The following TRDN variants were observed in gnomAD, a reference collection of about 807,000 sequenced individuals.
The protein encoded by TRDN is triadin in skeletal muscle.
In TRDN, 161 loss-of-function variants were observed where a neutral mutation model predicts 149.7. The ratio of observed to expected loss-of-function variants is 1.08; its 90% CI spans 0.95 to 1.23. The LOEUF is 1.23. Ranked by LOEUF, TRDN falls within the 50% of genes most tolerant of loss-of-function variation. The pLI, the probability that TRDN is intolerant of heterozygous loss-of-function variation, is 0.00. For missense variants in TRDN, 896 were observed against 823.5 expected, an observed-to-expected ratio of 1.09 and a Z score of -1.08; for synonymous variants, 294 against 250.5, an observed-to-expected ratio of 1.17 and a Z score of -1.64.
At chr6:123,567,614 A>G (rs1782358596) in intron 2 of TRDN, among the ~76,000 whole-genome samples, 2 of 151,806 alleles carry the variant, frequency 1.3e-5, no homozygotes, top group Admixed American at 1.3e-4. Flanking sequence ...GGATGGCTAG[A>G]GGAGGAGCAA....
chr6:123,230,912 C>T (rs1206053304), intron 38 of TRDN, among the ~76,000 whole-genome samples: 1 of 151,904 alleles, frequency 6.6e-6, no homozygotes, highest in African/African-American at 2.4e-5. Context: ...TTTTCTGTGC[C>T]AGGTATGCTA....
At chr6:123,345,966 C>T (rs1260190418) in intron 21 of TRDN, among the ~76,000 whole-genome samples, 3 of 152,000 alleles carry the variant, frequency 2.0e-5, no homozygotes, top group African/African-American at 7.2e-5. Flanking sequence ...ATAAATAAGT[C>T]ATATTTGAAC....
chr6:123,559,160 T>C (rs1781839634), intron 2 of TRDN, among the ~76,000 whole-genome samples: 1 of 152,156 alleles, frequency 6.6e-6, no homozygotes, highest in African/African-American at 2.4e-5. Flanking sequence ...ATGCTTTGGG[T>C]AACTCTCACA....
At position 123,224,137 on chromosome 6, in the gene TRDN, G is replaced by C. The variant is rs368752139; in HGVS notation, c.1976-6C>G. ...TGGTACATCTTCAACATCTTCTAGA[G>C]TACAGAAAAAAGGCACATAGAATCA... On this transcript the variant is annotated splice_polypyrimidine_tract_variant and splice_region_variant and intron_variant, in intron 38 of 40. Coordinates refer to ENST00000334268, the MANE Select transcript of TRDN (RefSeq NM_006073.4). The C allele has an allele frequency of 8.7e-6, 14 of 1,609,746 alleles. No homozygotes were observed. In the Middle Eastern group the frequency reaches 5.0e-4, roughly 57 times the overall value.
intron 38 of TRDN, among the ~76,000 whole-genome samples, chr6:123,225,915 A>C (rs1360089671): frequency 6.6e-6 from 1 of 151,810 alleles, no homozygotes; most frequent in African/African-American, 2.4e-5. Flanking sequence ...ATCTGAAAGA[A>C]GGTCAGTTTT....
At chr6:123,413,123 T>G (rs912981685) in intron 12 of TRDN, among the ~76,000 whole-genome samples, 2 of 152,130 alleles carry the variant, frequency 1.3e-5, no homozygotes, top group Non-Finnish European at 2.9e-5. Context: ...TTTGAAAAGT[T>G]AACACTCTTT....
intron 5 of TRDN, among the ~76,000 whole-genome samples, chr6:123,523,776 C>T (rs1177213035): frequency 6.6e-6 from 1 of 152,026 alleles, no homozygotes; most frequent in Non-Finnish European, 1.5e-5. Context: ...ATGGCAGGAA[C>T]TAAAATTCAA....
At chr6:123,222,018 G>T (rs942194740) in intron 39 of TRDN, among the ~76,000 whole-genome samples, 1 of 151,692 alleles carries the variant, frequency 6.6e-6, no homozygotes, top group African/African-American at 2.4e-5. Context: ...CTGATTCACT[G>T]ACTATTTATT....
Position 123,461,344 on chromosome 6 carries a change from A to T in TRDN, c.931+3562T>A, listed in dbSNP as rs74625316. On this transcript the variant is annotated intron_variant, in intron 10 of 40. Transcript: ENST00000334268. ...ATTATTTATAATTGCAAGACTAAGT[A>T]CTAGTTATATATTTATTCAACAAGA... 3.4e-3 allele frequency among the ~76,000 whole-genome samples: 517 copies of T among 152,306 alleles called. 22 individuals are homozygous for T. The East Asian group carries it at 0.092, about 27-fold the overall frequency.
At chr6:123,407,836 T>C (rs1423508114) in intron 12 of TRDN, among the ~76,000 whole-genome samples, 2 of 152,176 alleles carry the variant, frequency 1.3e-5, no homozygotes, top group African/African-American at 2.4e-5. Context: ...AAAATTGTTA[T>C]AAACCTTGAA....
chr6:123,261,704 C>A (rs981616185), intron 33 of TRDN, among the ~76,000 whole-genome samples: 3 of 151,574 alleles, frequency 2.0e-5, no homozygotes, highest in Non-Finnish European at 4.4e-5. Context: ...TATTTTATGA[C>A]AATGAAGGTA....
intron 9 of TRDN, among the ~76,000 whole-genome samples, chr6:123,482,532 A>G (rs1366511079): frequency 6.6e-6 from 1 of 152,210 alleles, no homozygotes; most frequent in Non-Finnish European, 1.5e-5. Flanking sequence ...GTCTGCCAAG[A>G]GGCTATTTAT....
intron 24 of TRDN, among the ~76,000 whole-genome samples, chr6:123,302,249 G>A (rs1274648184): frequency 2.0e-5 from 3 of 151,922 alleles, no homozygotes; most frequent in African/African-American, 7.2e-5. Flanking sequence ...GATGCATACT[G>A]TTTTTCTTTG....
At chr6:123,341,083 A>G (rs1379661767) in intron 21 of TRDN, among the ~76,000 whole-genome samples, 2 of 151,904 alleles carry the variant, frequency 1.3e-5, no homozygotes, top group Admixed American at 6.6e-5. Context: ...AAACTCCAAC[A>G]TATAAAATTT....
chr6:123,452,420 TACACA>T (rs1775830233), intron 10 of TRDN, among the ~76,000 whole-genome samples: 1 of 152,046 alleles, frequency 6.6e-6, no homozygotes, highest in Non-Finnish European at 1.5e-5. Context: ...AAGATTAATG[TACACA>T]TATCAGCAGT....
At chr6:123,599,968 C>T (rs746899786) in intron 1 of TRDN, among the ~76,000 whole-genome samples, 2 of 151,800 alleles carry the variant, frequency 1.3e-5, no homozygotes, top group Non-Finnish European at 2.9e-5. Context: ...TATTATATTG[C>T]AATTGCCTGT....
chr6:123,570,213 G>A (rs1015339168), intron 2 of TRDN, among the ~76,000 whole-genome samples: 2 of 152,074 alleles, frequency 1.3e-5, no homozygotes, highest in African/African-American at 4.8e-5. Context: ...TTTCGCTTAT[G>A]GTAAAAAAGT....
At chr6:123,221,119 A>C (rs1219433355) in intron 40 of TRDN, among the ~76,000 whole-genome samples, 1 of 151,706 alleles carries the variant, frequency 6.6e-6, no homozygotes, top group African/African-American at 2.4e-5. Flanking sequence ...CTATTTCTTC[A>C]TTTTTTCTAC....
At chr6:123,423,770 G>A (rs979574563) in intron 12 of TRDN, among the ~76,000 whole-genome samples, 1 of 152,008 alleles carries the variant, frequency 6.6e-6, no homozygotes. Flanking sequence ...ATTTTATGGG[G>A]CAGCATTATT....
Sources: gnomAD v4.1 joint callset for allele counts (sites outside exome capture counted in the v4.1 genomes callset) on GRCh38, gnomAD v4.1.1 for gene constraint, MANE v1.5 for transcripts, NCBI Gene and HGNC (gene_info 2026-07-23, HGNC 2026-07-21) for gene names.